TNKS: variants seen among roughly 807,000 people sequenced by gnomAD.
TNKS encodes poly [ADP-ribose] polymerase tankyrase-1.
A neutral mutation model predicts 135.8 loss-of-function variants in TNKS; 72 were observed. That is an observed-to-expected ratio of 0.53 (90% CI 0.44 to 0.64). The LOEUF is 0.64. Among genes scored for constraint, TNKS ranks in the 30% least tolerant of loss-of-function variants. The pLI, the probability that TNKS is intolerant of heterozygous loss-of-function variation, is 0.00. For synonymous variants in TNKS, 849 were observed against 649.3 expected, an observed-to-expected ratio of 1.31 and a Z score of -4.68; for missense variants, 1,769 against 1,674.0, an observed-to-expected ratio of 1.06 and a Z score of -0.99.
intron 25 of TNKS, among the ~76,000 whole-genome samples, chr8:9,767,437 A>G (rs1177182160): frequency 6.6e-6 from 1 of 152,248 alleles, no homozygotes; most frequent in East Asian, 1.9e-4. Context: ...AGCCAGGTTA[A>G]TAAGATACTT....
In TNKS at chr8:9,574,936, G is replaced by C. The variant is rs559964801; in HGVS notation, c.674-5223G>C. The C allele has an allele frequency of 9.7e-6, 6 of 615,752 alleles. No individual in the cohort carries two copies. The South Asian group carries it at 2.9e-4, about 30-fold the overall frequency. 38.1% of individuals were successfully genotyped at this position (615,752 alleles called of 1,614,324 possible). A position where few individuals can be genotyped will look rare whatever the true frequency, so the allele number is the denominator to read the frequency against. On this transcript the variant is annotated intron_variant, in intron 1 of 26. Transcript: ENST00000310430. ...CCTAGATATGAGGCTTAGAAATATA[G>C]CACTCTTGTGACTGTGAGGTAAGAA...
At chr8:9,566,213 T>A (rs1428829128) in intron 1 of TNKS, 1 of 152,212 alleles carries the variant, frequency 6.6e-6, no homozygotes, top group African/African-American at 2.4e-5. Context: ...CTTAGCTATT[T>A]TTTTCTAATG....
chr8:9,762,817 A>T (rs1448787704), intron 21 of TNKS, among the ~76,000 whole-genome samples: 3 of 151,690 alleles, frequency 2.0e-5, no homozygotes, highest in African/African-American at 7.3e-5. Context: ...AGGCAGGAGA[A>T]TGGTGTGAAC....
chr8:9,664,536 G>T (rs772620941), intron 3 of TNKS, among the ~76,000 whole-genome samples: 4 of 152,192 alleles, frequency 2.6e-5, no homozygotes, highest in Non-Finnish European at 5.9e-5. Context: ...ATATAAAAAT[G>T]TACTTATCAC....
intron 3 of TNKS, among the ~76,000 whole-genome samples, chr8:9,646,772 C>G (rs1800934987): frequency 6.6e-6 from 1 of 152,090 alleles, no homozygotes; most frequent in Admixed American, 6.6e-5. Flanking sequence ...AGTCCAGCTT[C>G]TAGGTTTTGG....
intron 22 of TNKS, among the ~76,000 whole-genome samples, chr8:9,764,142 A>C (rs1020115315): frequency 2.6e-5 from 4 of 152,030 alleles, no homozygotes; most frequent in Non-Finnish European, 5.9e-5. Context: ...TATTGAGTTA[A>C]TTCTCTGAGA....
At chr8:9,687,225 A>G (rs1229048336) in intron 5 of TNKS, among the ~76,000 whole-genome samples, 1 of 152,220 alleles carries the variant, frequency 6.6e-6, no homozygotes, top group Admixed American at 6.5e-5. Context: ...TATGGATCCT[A>G]GCTCAGATGC....
In TNKS at chr8:9,708,272, A is replaced by G. The variant is rs61423253; in HGVS notation, c.1457-99A>G. ...TTGCTGCTGTTGTTAAAATAGAGAA[A>G]TTCATAAAATAATAATATTCCTACT... On this transcript the variant is annotated intron_variant, in intron 8 of 26. Coordinates refer to ENST00000310430, the MANE Select transcript of TNKS (RefSeq NM_003747.3). 744 of 1,107,766 alleles carry G rather than the reference A, an allele frequency of 6.7e-4. 5 individuals are homozygous for G. In the African/African-American group the frequency reaches 0.01, roughly 15 times the overall value. The allele number at this position is 1,107,766 out of a possible 1,614,324, so 68.6% of individuals were successfully genotyped here. A position where few individuals can be genotyped will look rare whatever the true frequency, so the allele number is the denominator to read the frequency against.
intron 2 of TNKS, among the ~76,000 whole-genome samples, chr8:9,600,223 A>G (rs1211697280): frequency 6.6e-6 from 1 of 152,150 alleles, no homozygotes; most frequent in African/African-American, 2.4e-5. Flanking sequence ...CCTCTGAAGT[A>G]CAGCTGTGTT....
intron 12 of TNKS, among the ~76,000 whole-genome samples, chr8:9,725,749 C>G (rs2128814959): frequency 6.6e-6 from 1 of 152,266 alleles, no homozygotes; most frequent in Non-Finnish European, 1.5e-5. Flanking sequence ...ATTCTAAAAG[C>G]CACACTTCAT....
chr8:9,659,813 A>T (rs1195427624), intron 3 of TNKS, among the ~76,000 whole-genome samples: 1 of 152,182 alleles, frequency 6.6e-6, no homozygotes, highest in Non-Finnish European at 1.5e-5. Context: ...TTTTTTGGAA[A>T]GATCAACAAA....
At chr8:9,693,185 A>T (rs975817149) in intron 5 of TNKS, among the ~76,000 whole-genome samples, 2 of 152,266 alleles carry the variant, frequency 1.3e-5, no homozygotes, top group Non-Finnish European at 2.9e-5. Context: ...GAGCAAAAGT[A>T]GAACATTACT....
intron 2 of TNKS, among the ~76,000 whole-genome samples, chr8:9,605,209 A>G (rs146790026): frequency 2.0e-5 from 3 of 152,180 alleles, no homozygotes; most frequent in Admixed American, 1.3e-4. Flanking sequence ...CCAGTCAACA[A>G]TGATCTATTT....
At chr8:9,747,264 C>G (rs537307319) in intron 17 of TNKS, among the ~76,000 whole-genome samples, 2 of 141,532 alleles carry the variant, frequency 1.4e-5, no homozygotes. Context: ...CTCCTTCCCC[C>G]CCTCAAAAAA....
intron 8 of TNKS, among the ~76,000 whole-genome samples, chr8:9,708,094 T>C (rs1157537938): frequency 6.6e-6 from 1 of 152,180 alleles, no homozygotes; most frequent in Admixed American, 6.5e-5. Flanking sequence ...GGTGGACATT[T>C]AGGTTTCCTG....
chr8:9,669,375 G>A (rs965527236), intron 3 of TNKS, among the ~76,000 whole-genome samples: 1 of 146,636 alleles, frequency 6.8e-6, no homozygotes, highest in Non-Finnish European at 1.5e-5. Flanking sequence ...CCGAGATTGC[G>A]CCACTGCAGT....
intron 20 of TNKS, among the ~76,000 whole-genome samples, chr8:9,759,432 CTT>C (rs1807026451): frequency 6.6e-6 from 1 of 152,232 alleles, no homozygotes; most frequent in Non-Finnish European, 1.5e-5. Context: ...TAGGAGAGCA[CTT>C]TCCACGTTAG....
At chr8:9,700,927 T>C (rs1343334731) in intron 5 of TNKS, among the ~76,000 whole-genome samples, 2 of 113,590 alleles carry the variant, frequency 1.8e-5, no homozygotes, top group Admixed American at 1.2e-4. Context: ...TTTTCTTATG[T>C]TTTGCCCCCT....
chr8:9,695,146 T>G (rs1257716968), intron 5 of TNKS, among the ~76,000 whole-genome samples: 1 of 152,184 alleles, frequency 6.6e-6, no homozygotes, highest in Non-Finnish European at 1.5e-5. Flanking sequence ...TATTGCTCAG[T>G]GGGGAAATCA....
Sources: allele counts gnomAD v4.1 joint callset (sites outside exome capture counted in the v4.1 genomes callset), GRCh38; gene constraint gnomAD v4.1.1; transcripts MANE v1.5; gene names NCBI Gene and HGNC (gene_info 2026-07-23, HGNC 2026-07-21).